KIF14: variants seen among roughly 807,000 people sequenced by gnomAD.
KIF14 encodes the protein kinesin family member 14.
Under a neutral mutation model 176.2 loss-of-function variants are expected in KIF14, and 98 were observed. The ratio of observed to expected loss-of-function variants is 0.56; its 90% CI spans 0.47 to 0.66. The LOEUF is 0.66. Ranked by LOEUF, KIF14 falls within the 30% of genes least tolerant of loss-of-function variation. KIF14 has a pLI of 0.00. For synonymous variants in KIF14, 566 were observed against 632.2 expected, an observed-to-expected ratio of 0.90 and a Z score of 1.57; for missense variants, 1,751 against 1,920.4, an observed-to-expected ratio of 0.91 and a Z score of 1.65.
intron 18 of KIF14, among the ~76,000 whole-genome samples, chr1:200,586,790 C>CAT (rs10610890): frequency 0.034 from 4,327 of 128,162 alleles, 98 homozygotes; most frequent in East Asian, 0.067. Flanking sequence ...TATATACATA[C>CAT]ATATATATAT....
chr1:200,564,260 C>CAA (rs57025286), intron 25 of KIF14, among the ~76,000 whole-genome samples: 12,515 of 66,048 alleles, frequency 0.19, 1,097 homozygotes, highest in East Asian at 0.44. Context: ...GACTCCAGCT[C>CAA]AAAAAAAAAA....
chr1:200,572,840 A>G (rs1657884662), intron 22 of KIF14, among the ~76,000 whole-genome samples: 1 of 152,156 alleles, frequency 6.6e-6, no homozygotes, highest in South Asian at 2.1e-4. Flanking sequence ...GTTGGCTTAA[A>G]TATCTCAAGC....
intron 27 of KIF14, among the ~76,000 whole-genome samples, chr1:200,558,840 C>T (rs1656976048): frequency 6.6e-6 from 1 of 152,142 alleles, no homozygotes; most frequent in African/African-American, 2.4e-5. Context: ...GTAATGTTAG[C>T]TGGAGGATGG....
intron 20 of KIF14, among the ~76,000 whole-genome samples, chr1:200,580,710 G>A (rs1243508470): frequency 6.6e-6 from 1 of 152,030 alleles, no homozygotes; most frequent in Admixed American, 6.6e-5. Context: ...GTTAATTGTT[G>A]AAATCTCTCT....
At chr1:200,555,884 C>T (rs1001111086) in intron 27 of KIF14, among the ~76,000 whole-genome samples, 2 of 152,030 alleles carry the variant, frequency 1.3e-5, no homozygotes, top group African/African-American at 4.8e-5. Flanking sequence ...ACATTGATTT[C>T]TATATTAAAT....
intron 21 of KIF14, among the ~76,000 whole-genome samples, chr1:200,577,928 T>C (rs1455767024): frequency 1.3e-5 from 2 of 151,864 alleles, no homozygotes; most frequent in African/African-American, 2.4e-5. Flanking sequence ...ATGTCTGAGA[T>C]TAGCACCTTC....
chr1:200,559,078 T>G (rs569859189), intron 27 of KIF14, among the ~76,000 whole-genome samples: 83 of 152,238 alleles, frequency 5.5e-4, no homozygotes, highest in Non-Finnish European at 9.9e-4. Context: ...ACTCTCTGCT[T>G]AGGAGTTTAC....
chr1:200,617,584 G>C (rs887450094), intron 2 of KIF14, 28 bp downstream of exon 2: 23 of 1,567,388 alleles, frequency 1.5e-5, no homozygotes, highest in Non-Finnish European at 2.0e-5. Context: ...TAACTGCTTG[G>C]CTTTAGATTT....
chr1:200,590,346 T>C, intron 16 of KIF14, 74 bp from the exon 17 acceptor site: 1 of 1,270,022 alleles, frequency 7.9e-7, no homozygotes, highest in Non-Finnish European at 1.1e-6. Flanking sequence ...TTAATCCTAC[T>C]GAAAAGTTTT....
intron 22 of KIF14, among the ~76,000 whole-genome samples, chr1:200,572,457 G>A (rs1399025304): frequency 6.6e-6 from 1 of 152,056 alleles, no homozygotes; most frequent in Non-Finnish European, 1.5e-5. Flanking sequence ...CCATTCTCCT[G>A]CCTCAGCCTC....
intron 28 of KIF14, 121 bp downstream of exon 28, chr1:200,555,257 TAG>T: frequency 1.6e-6 from 1 of 620,842 alleles, no homozygotes; most frequent in East Asian, 3.2e-5. Context: ...ATGCTACAAT[TAG>T]ACATATACAA....
intron 23 of KIF14, among the ~76,000 whole-genome samples, 166 bp downstream of exon 23, chr1:200,569,745 G>T (rs143345757): frequency 9.4e-4 from 143 of 152,270 alleles, no homozygotes; most frequent in African/African-American, 3.0e-3. Flanking sequence ...ACAGAGCACA[G>T]AATTTTTGAA....
intron 25 of KIF14, among the ~76,000 whole-genome samples, chr1:200,564,369 G>C (rs949142684): frequency 1.3e-5 from 2 of 151,948 alleles, no homozygotes; most frequent in African/African-American, 4.8e-5. Flanking sequence ...CATGAAATCA[G>C]GGGCTACACT....
chr1:200,596,074 T>G (rs918503595), intron 14 of KIF14, among the ~76,000 whole-genome samples: 7 of 151,580 alleles, frequency 4.6e-5, no homozygotes, highest in African/African-American at 1.5e-4. Context: ...GCCAACATGG[T>G]GAAACCCCAT....
At chr1:200,586,258 T>C (rs1658732681) in intron 18 of KIF14, 31 bp from the exon 19 acceptor site, 11 of 1,492,998 alleles carry the variant, frequency 7.4e-6, no homozygotes, top group Non-Finnish European at 9.9e-6. Context: ...CAGACCCACA[T>C]GTGAGAATAT....
At chr1:200,605,529 CAT>C (rs1659838426) in intron 7 of KIF14, 139 bp from the exon 8 acceptor site, 2 of 550,748 alleles carry the variant, frequency 3.6e-6, no homozygotes, top group Non-Finnish European at 3.1e-6. Context: ...AGAGAGATAA[CAT>C]ATACACATTT....
chr1:200,554,685 T>C, intron 28 of KIF14, 79 bp from the exon 29 acceptor site: 1 of 713,166 alleles, frequency 1.4e-6, no homozygotes, highest in Non-Finnish European at 2.2e-6. Flanking sequence ...ATGATTTTAA[T>C]TGCCAGAATC....
At chr1:200,578,888 G>A (rs577964854) in intron 21 of KIF14, among the ~76,000 whole-genome samples, 20 of 151,554 alleles carry the variant, frequency 1.3e-4, no homozygotes, top group East Asian at 1.2e-3. Flanking sequence ...TCTGGAGATC[G>A]AGACCATCCT....
At chr1:200,577,907 T>C (rs982046291) in intron 21 of KIF14, among the ~76,000 whole-genome samples, 9 of 151,826 alleles carry the variant, frequency 5.9e-5, no homozygotes, top group Non-Finnish European at 1.2e-4. Flanking sequence ...TAAAAGAGCT[T>C]ACCCATAAGA....
Sources: allele counts gnomAD v4.1 joint callset (sites outside exome capture counted in the v4.1 genomes callset), GRCh38; gene constraint gnomAD v4.1.1; transcripts MANE v1.5; gene names NCBI Gene and HGNC (gene_info 2026-07-23, HGNC 2026-07-21).